The following ADGRV1 variants were observed in gnomAD, a reference collection of about 807,000 sequenced individuals.
The protein encoded by ADGRV1 is adhesion G protein-coupled receptor V1.
A neutral mutation model predicts 596.2 loss-of-function variants in ADGRV1; 359 were observed. That is an observed-to-expected ratio of 0.60 (90% CI 0.55 to 0.66). ADGRV1 has a LOEUF of 0.66. ADGRV1 is among the 30% of genes least tolerant of loss of function. ADGRV1 has a pLI of 0.00. For missense variants in ADGRV1, 7,274 were observed against 7,575.6 expected (o/e 0.96, Z 1.48); for synonymous variants, 2,681 against 2,679.2 (o/e 1.00, Z -0.02).
intron 85 of ADGRV1, among the ~76,000 whole-genome samples, chr5:91,012,986 C>T (rs1300060896): frequency 2.0e-5 from 3 of 152,008 alleles, no homozygotes; most frequent in African/African-American, 7.2e-5. Context: ...TTGGTTTTCT[C>T]TTCTTGCGTT....
chr5:90,898,938 C>G (rs1041377252), intron 83 of ADGRV1, among the ~76,000 whole-genome samples: 6 of 151,726 alleles, frequency 4.0e-5, no homozygotes, highest in Admixed American at 6.6e-5. Flanking sequence ...AGAGTGAGAC[C>G]CTGTCTCTAA....
intron 1 of ADGRV1, among the ~76,000 whole-genome samples, chr5:90,564,758 C>A (rs1461027407): frequency 3.4e-5 from 3 of 89,284 alleles, no homozygotes; most frequent in African/African-American, 1.8e-4. Flanking sequence ...TCCCGAGTAG[C>A]TGGGACTACA....
chr5:90,685,695 C>T, intron 28 of ADGRV1, 85 bp from the exon 29 acceptor site: 1 of 771,338 alleles, frequency 1.3e-6, no homozygotes, highest in Non-Finnish European at 2.0e-6. Context: ...CTGATGGAAT[C>T]TTGCTGAGGT....
chr5:90,655,769 AT>A (rs1163436162), intron 20 of ADGRV1: 16 of 152,328 alleles, frequency 1.1e-4, no homozygotes, highest in East Asian at 1.9e-4. Flanking sequence ...TTAAAAAAAA[AT>A]AATGCTGTGT....
intron 70 of ADGRV1, among the ~76,000 whole-genome samples, chr5:90,795,378 G>A (rs1760581208): frequency 6.6e-6 from 1 of 152,180 alleles, no homozygotes; most frequent in South Asian, 2.1e-4. Flanking sequence ...TGTAAACAAA[G>A]CCAACAGAAA....
At chr5:90,915,251 T>C (rs1345088576) in intron 83 of ADGRV1, among the ~76,000 whole-genome samples, 2 of 152,218 alleles carry the variant, frequency 1.3e-5, no homozygotes, top group Non-Finnish European at 2.9e-5. Flanking sequence ...TTATCGTTTG[T>C]ATAGGGCATT....
chr5:90,829,346 C>T (rs1764338075), intron 77 of ADGRV1, among the ~76,000 whole-genome samples, 160 bp downstream of exon 77: 1 of 152,156 alleles, frequency 6.6e-6, no homozygotes. Flanking sequence ...AACAGCTCAG[C>T]TTTTCACTCA....
intron 19 of ADGRV1, 121 bp from the exon 20 acceptor site, chr5:90,653,088 A>T: frequency 1.1e-6 from 1 of 923,146 alleles, no homozygotes; most frequent in African/African-American, 1.7e-5. Context: ...ACTACTTTTC[A>T]TTGATAATGA....
At chr5:90,575,169 G>C (rs1757036838) in intron 1 of ADGRV1, among the ~76,000 whole-genome samples, 2 of 150,928 alleles carry the variant, frequency 1.3e-5, no homozygotes, top group African/African-American at 4.9e-5. Context: ...TTTTTTTTAG[G>C]TGCAAAGTTA....
intron 33 of ADGRV1, among the ~76,000 whole-genome samples, chr5:90,695,053 C>G (rs1413493844): frequency 6.6e-6 from 1 of 152,114 alleles, no homozygotes; most frequent in Non-Finnish European, 1.5e-5. Context: ...CATGTACTTA[C>G]AACCATACAT....
intron 84 of ADGRV1, among the ~76,000 whole-genome samples, chr5:90,974,452 G>C (rs953008979): frequency 3.3e-5 from 5 of 151,940 alleles, no homozygotes; most frequent in African/African-American, 9.7e-5. Context: ...TCAAACTATA[G>C]TACAAGGCTA....
Position 91,052,880 on chromosome 5 carries a change from T to TC in ADGRV1, c.18153-19561dup, listed in dbSNP as rs538334398. ...AATAAACAGTATCAAAGGCCTCTCC[T>TC]CCCCCCAGAAACATGCTTCTATAGT... is the stretch of plus-strand genomic sequence containing the variant. On this transcript the variant is annotated intron_variant, in intron 85 of 89. Coordinates refer to ENST00000405460, the MANE Select transcript of ADGRV1 (RefSeq NM_032119.4). Among the ~76,000 whole-genome samples the TC allele has an allele frequency of 3.3e-5, 5 of 152,186 alleles. No homozygotes were observed. The East Asian group carries it at 5.8e-4, about 18-fold the overall frequency.
chr5:90,925,456 G>C (rs570411542), intron 83 of ADGRV1, among the ~76,000 whole-genome samples: 1 of 152,274 alleles, frequency 6.6e-6, no homozygotes, highest in Non-Finnish European at 1.5e-5. Flanking sequence ...GTATAAGAGT[G>C]CTTGTGATTT....
intron 51 of ADGRV1, 32 bp from the exon 52 acceptor site, chr5:90,745,559 T>C (rs1448953770): frequency 2.1e-6 from 3 of 1,445,072 alleles, no homozygotes; most frequent in South Asian, 1.2e-5. Flanking sequence ...TTTGTTGTAG[T>C]TGACTTATTT....
chr5:91,039,657 A>T (rs751206680), intron 85 of ADGRV1, among the ~76,000 whole-genome samples: 1 of 152,212 alleles, frequency 6.6e-6, no homozygotes, highest in South Asian at 2.1e-4. Flanking sequence ...GTAAATTGGG[A>T]AAGAGCTGAA....
At chr5:91,110,758 A>C (rs4571507) in intron 87 of ADGRV1, among the ~76,000 whole-genome samples, 2,228 of 152,290 alleles carry the variant, frequency 0.015, 29 homozygotes, top group South Asian at 0.037. Flanking sequence ...CAAAATCTGA[A>C]ACGCATTCTT....
At chr5:90,754,962 C>G (rs201821020) in intron 54 of ADGRV1, 21 bp from the exon 55 acceptor site, 2 of 1,549,108 alleles carry the variant, frequency 1.3e-6, no homozygotes, top group South Asian at 2.2e-5. Context: ...ACTATTTACT[C>G]GTGGCATGTT....
At chr5:90,577,507 T>G (rs1757391095) in intron 1 of ADGRV1, among the ~76,000 whole-genome samples, 2 of 152,216 alleles carry the variant, frequency 1.3e-5, no homozygotes, top group South Asian at 2.1e-4. Context: ...CCATGCTGTT[T>G]TGGTTACTGT....
Position 90,681,370 on chromosome 5 carries a change from T to C in ADGRV1, c.5580T>C (p.Ala1860=). 6.2e-7 allele frequency: 1 copy of C among 1,613,904 alleles called. No homozygotes were observed. Among genetic ancestry groups the C allele is most frequent in the East Asian group, 2.2e-5 (1 of 44,876 alleles). ...TGACAATTGCAGCCTCTGACCACGC[T>C]CATGGCGTATTTGAATTTAGCCCTG... The part of the protein sequence containing the change: ...ILVTIAASDH[A]HGVFEFSPES... The change falls in exon 27 of 90, where the codon GCT becomes GCC. Residue 1860 remains alanine, a synonymous_variant. Transcript: ENST00000405460.
Sources: allele counts gnomAD v4.1 joint callset (sites outside exome capture counted in the v4.1 genomes callset), GRCh38; gene constraint gnomAD v4.1.1; transcripts MANE v1.5; gene names NCBI Gene and HGNC (gene_info 2026-07-23, HGNC 2026-07-21).